TMEM120B: variants seen among roughly 807,000 people sequenced by gnomAD.
TMEM120B encodes transmembrane protein 120B.
A neutral mutation model predicts 55.5 loss-of-function variants in TMEM120B; 31 were observed. The ratio of observed to expected loss-of-function variants is 0.56; its 90% confidence interval spans 0.42 to 0.75. The LOEUF (loss-of-function observed/expected upper bound fraction) is 0.75, where lower values mean the gene tolerates loss of function less well. TMEM120B is among the 30% of genes least tolerant of loss of function. The pLI is 0.00. For missense variants in TMEM120B, 399 were observed against 425.5 expected, an observed-to-expected ratio of 0.94 and a Z score of 0.55; for synonymous variants, 203 against 176.3, an observed-to-expected ratio of 1.15 and a Z score of -1.20.
chr12:121,760,748 TAAC>T (rs765576403), intron 5 of TMEM120B, among the ~76,000 whole-genome samples: 2 of 152,222 alleles, frequency 1.3e-5, no homozygotes, highest in African/African-American at 4.8e-5. Flanking sequence ...GAGAGACAGT[TAAC>T]AACCACCTGA....
Position 121,748,340 on chromosome 12 carries a change from C to G in TMEM120B, c.203C>G (p.Ala68Gly). ...TCTGTCCGCAGGTGCAAACGCCATG[C>G]CAGTCGGGAGGAGGCGGAGCTCGTT... ...KLTLQRCKRH[A>G]SREEAELVQQ... Residue 68 changes from alanine (A) to glycine (G), a missense_variant, in exon 3 of 12, where the codon GCC becomes GGC. This residue lies in a region of TMEM120B where 133 missense variants were observed against 104.1 expected (regional missense o/e 1.28). Coordinates refer to ENST00000449592, the MANE Select transcript of TMEM120B (RefSeq NM_001080825.2). 6.2e-7 allele frequency: 1 copy of G among 1,610,142 alleles called. No homozygotes were observed. The highest frequency in any genetic ancestry group is 8.5e-7 in the Non-Finnish European group (1 of 1,178,070).
rs1336298793 is a variant in TMEM120B, at chr12:121,771,494, T to C, written c.624T>C (p.Asn208=). ...FLSGVMLTWP[N]GPIYQKFRNQ... is the part of the protein sequence containing the mutation. ...TTTCCTACCTTCTCTCCAGGCCTAA[T>C]GGACCCATTTATCAGAAGTTTCGCA... is the stretch of plus-strand genomic sequence containing the variant. Residue 208 remains asparagine (N), a synonymous_variant, in exon 8 of 12, where the codon AAT becomes AAC. Transcript: ENST00000449592. The C allele has an allele frequency of 3.7e-6, 6 of 1,613,952 alleles. No individual in the cohort carries two copies. The highest frequency in any genetic ancestry group is 4.2e-6 in the Non-Finnish European group (5 of 1,179,954).
intron 7 of TMEM120B, 151 bp from the exon 8 acceptor site, chr12:121,771,337 C>T (rs998425310): frequency 2.8e-6 from 2 of 717,486 alleles, no homozygotes; most frequent in Non-Finnish European, 4.9e-6. Context: ...GATGACCTCG[C>T]CCAGCCCCAG....
At chr12:121,732,497 T>C (rs962727378) in intron 1 of TMEM120B, among the ~76,000 whole-genome samples, 6 of 152,066 alleles carry the variant, frequency 3.9e-5, no homozygotes, top group African/African-American at 1.4e-4. Context: ...GACAAAATTA[T>C]GGGAAGGCCC....
intron 1 of TMEM120B, among the ~76,000 whole-genome samples, chr12:121,732,705 C>G (rs533115442): frequency 6.6e-6 from 1 of 152,170 alleles, no homozygotes; most frequent in East Asian, 1.9e-4. Context: ...CAAGGCCGGA[C>G]GCGGTGGCTC....
chr12:121,728,218 G>A (rs1461322646), intron 1 of TMEM120B, among the ~76,000 whole-genome samples: 4 of 151,710 alleles, frequency 2.6e-5, no homozygotes, highest in African/African-American at 4.8e-5. Flanking sequence ...GGCCGGGCAC[G>A]GTGGCTCACG....
chr12:121,744,888 C>T (rs1421984109), intron 2 of TMEM120B, among the ~76,000 whole-genome samples: 1 of 152,104 alleles, frequency 6.6e-6, no homozygotes, highest in East Asian at 1.9e-4. Flanking sequence ...TGTGGATGGC[C>T]CTGTGCAAAC....
At chr12:121,724,213 A>G (rs1187045637) in intron 1 of TMEM120B, among the ~76,000 whole-genome samples, 24 of 151,660 alleles carry the variant, frequency 1.6e-4, no homozygotes, top group Admixed American at 1.6e-3. Context: ...AATTTTTTGT[A>G]TTTTTAGTAG....
At chr12:121,769,162 C>CAA (rs10590198) in intron 6 of TMEM120B, among the ~76,000 whole-genome samples, 1 of 138,702 alleles carries the variant, frequency 7.2e-6, no homozygotes, top group African/African-American at 2.7e-5. Context: ...AAAAAAAAGG[C>CAA]AAAAAAAAAA....
At chr12:121,718,672 A>G (rs1343439266) in intron 1 of TMEM120B, among the ~76,000 whole-genome samples, 1 of 151,934 alleles carries the variant, frequency 6.6e-6, no homozygotes, top group Non-Finnish European at 1.5e-5. Context: ...GTATCCTGAG[A>G]CTCTTAGCTC....
chr12:121,746,786 C>G (rs1385758128), intron 2 of TMEM120B, among the ~76,000 whole-genome samples: 2 of 151,930 alleles, frequency 1.3e-5, no homozygotes, highest in African/African-American at 4.8e-5. Context: ...AACCCCATCT[C>G]TTCTAAAAAT....
rs1005178188 is a variant in TMEM120B, at chr12:121,779,229, G to A, written c.*3507G>A. The stretch of plus-strand genomic sequence containing the variant: ...CACTGGGGAGACACTCGTGGTGGGG[G>A]TGGCTGTGATGAGGGCACTTGCGAG... On this transcript the variant is annotated 3_prime_UTR_variant, in exon 12 of 12. Coordinates refer to ENST00000449592, the MANE Select transcript of TMEM120B (RefSeq NM_001080825.2). 1.2e-5 allele frequency: 6 copies of A among 512,490 alleles called. No individual in the cohort carries two copies. The Admixed American group carries it at 1.3e-4, about 11-fold the overall frequency. 31.7% of individuals were successfully genotyped at this position (512,490 alleles called of 1,614,324 possible).
At chr12:121,754,448 A>T (rs975986645) in intron 5 of TMEM120B, among the ~76,000 whole-genome samples, 1 of 152,172 alleles carries the variant, frequency 6.6e-6, no homozygotes, top group African/African-American at 2.4e-5. Context: ...GGGGCTTAAA[A>T]CGACAGACAC....
Position 121,774,730 on chromosome 12 carries a change from C to T in TMEM120B, c.837+8C>T, listed in dbSNP as rs1874179394. ...TTCCTCTTCTGTGGCCATGTGAGTCCCCCTGGAGTTTGTGGGTATCTCCTG... is the reference window on the plus strand; with the variant it reads ...TTCCTCTTCTGTGGCCATGTGAGTCTCCCTGGAGTTTGTGGGTATCTCCTG... On this transcript the variant is annotated splice_region_variant and intron_variant, in intron 10 of 11. Coordinates refer to ENST00000449592, the MANE Select transcript of TMEM120B (RefSeq NM_001080825.2). The T allele has an allele frequency of 6.2e-7, 1 of 1,613,714 alleles. No homozygotes were observed.
intron 1 of TMEM120B, among the ~76,000 whole-genome samples, chr12:121,738,513 C>T (rs1279478944): frequency 6.6e-6 from 1 of 152,162 alleles, no homozygotes; most frequent in African/African-American, 2.4e-5. Flanking sequence ...AAGGTTGCAT[C>T]ATCTGGGCAG....
At position 121,775,153 on chromosome 12, in the gene TMEM120B, C is replaced by A; in HGVS notation, c.906+23C>A. Reference sequence around the variant, plus strand: ...CAGGTATGGGGGGTGGGGGCATGCTCGGGGGAGGTTCCCGGGAGGGCTGGG... The same window carrying A: ...CAGGTATGGGGGGTGGGGGCATGCTAGGGGGAGGTTCCCGGGAGGGCTGGG... On this transcript the variant is annotated intron_variant, in intron 11 of 11. Coordinates refer to ENST00000449592, the MANE Select transcript of TMEM120B (RefSeq NM_001080825.2). The surrounding 1 kb of genome is among the most constrained non-coding windows in gnomAD (Gnocchi z 4.3). 3.0e-6 allele frequency: 1 copy of A among 336,698 alleles called. No individual in the cohort carries two copies. The highest frequency in any genetic ancestry group is 4.9e-6 in the Non-Finnish European group (1 of 204,792). The allele number at this position is 336,698 out of a possible 1,614,324, so 20.9% of individuals were successfully genotyped here.
At chr12:121,729,814 C>T (rs544728748) in intron 1 of TMEM120B, among the ~76,000 whole-genome samples, 9 of 152,132 alleles carry the variant, frequency 5.9e-5, no homozygotes, top group Admixed American at 1.3e-4. Context: ...ATATAGAAAG[C>T]GGGGTTTCAG....
At chr12:121,735,185 C>CAAAAAAAAAAAAAAAAAAA (rs377589219) in intron 1 of TMEM120B, among the ~76,000 whole-genome samples, 1 of 66,866 alleles carries the variant, frequency 1.5e-5, no homozygotes, top group Non-Finnish European at 2.9e-5. Context: ...GACTCTGTCT[C>CAAAAAAAAAAAAAAAAAAA]AAAAAAAAAA....
chr12:121,748,476 G>A (rs1189154567), intron 3 of TMEM120B, 34 bp downstream of exon 3: 2 of 1,459,006 alleles, frequency 1.4e-6, no homozygotes, highest in Admixed American at 3.6e-5. Flanking sequence ...CCCTAGCACA[G>A]GCCCATGCCC....
Sources: gnomAD v4.1 joint callset for allele counts (sites outside exome capture counted in the v4.1 genomes callset) on GRCh38, gnomAD v4.1.1 for gene constraint, gnomAD v4.1.1 regional missense constraint, Gnocchi (gnomAD v3.1) non-coding constraint, MANE v1.5 for transcripts, NCBI Gene and HGNC (gene_info 2026-07-23, HGNC 2026-07-21) for gene names.